The following MACROD2 variants were observed in gnomAD, a reference collection of about 807,000 sequenced individuals.
MACROD2 encodes mono-ADP ribosylhydrolase 2, also known as ADP-ribose glycohydrolase MACROD2.
Under a neutral mutation model 70.4 loss-of-function variants are expected in MACROD2, and 36 were observed. The observed-to-expected ratio is 0.51, with a 90% confidence interval of 0.39 to 0.68. The LOEUF is 0.68. Ranked by LOEUF, MACROD2 falls within the 30% of genes least tolerant of loss-of-function variation. The probability of loss-of-function intolerance (pLI) is 0.00; values close to 1 mark genes in which losing one functional copy is unlikely to be tolerated. For missense variants in MACROD2, 496 were observed against 538.4 expected, an observed-to-expected ratio of 0.92 and a Z score of 0.78; for synonymous variants, 172 against 178.8, an observed-to-expected ratio of 0.96 and a Z score of 0.30.
At chr20:14,412,491 C>T (rs1214385140) in intron 3 of MACROD2, among the ~76,000 whole-genome samples, 5 of 152,004 alleles carry the variant, frequency 3.3e-5, no homozygotes, top group African/African-American at 7.3e-5. Flanking sequence ...CAGTTACAGA[C>T]GTTAGGTGAC....
intron 9 of MACROD2, among the ~76,000 whole-genome samples, chr20:15,873,119 G>A (rs186652155): frequency 1.3e-5 from 2 of 152,186 alleles, no homozygotes; most frequent in African/African-American, 4.8e-5. Flanking sequence ...TCTAAAAGTG[G>A]AATCACTTTT....
At chr20:16,035,051 G>T (rs775140) in intron 15 of MACROD2, among the ~76,000 whole-genome samples, 109,288 of 135,862 alleles carry the variant, frequency 0.8, 45,361 homozygotes, top group Admixed American at 0.86. Flanking sequence ...ATATAATATA[G>T]AATATAAAAT....
chr20:16,028,542 C>T (rs7261098), intron 15 of MACROD2, among the ~76,000 whole-genome samples: 5,571 of 152,252 alleles, frequency 0.037, 278 homozygotes, highest in East Asian at 0.15. Context: ...ATCAGGATCT[C>T]GTGCTCACCC....
At chr20:14,071,769 A>T (rs1175926320) in intron 2 of MACROD2, among the ~76,000 whole-genome samples, 1 of 152,146 alleles carries the variant, frequency 6.6e-6, no homozygotes, top group Non-Finnish European at 1.5e-5. Flanking sequence ...ATAATGCCAG[A>T]ACTCAGAATA....
chr20:15,624,180 G>A (rs2049169330), intron 8 of MACROD2, among the ~76,000 whole-genome samples: 5 of 152,212 alleles, frequency 3.3e-5, no homozygotes, highest in Admixed American at 3.3e-4. Flanking sequence ...TTTGAGGGCA[G>A]GAAGCATGCA....
chr20:15,002,465 G>GT (rs1002115937), intron 5 of MACROD2, among the ~76,000 whole-genome samples: 3 of 151,844 alleles, frequency 2.0e-5, no homozygotes, highest in Admixed American at 6.6e-5. Flanking sequence ...GGGATTGTTT[G>GT]TTTTTTTCTT....
At chr20:15,301,343 G>T (rs1314561564) in intron 6 of MACROD2, among the ~76,000 whole-genome samples, 1 of 152,226 alleles carries the variant, frequency 6.6e-6, no homozygotes, top group Non-Finnish European at 1.5e-5. Context: ...GAATGAGACA[G>T]AAGAGTGAGC....
intron 10 of MACROD2, 143 bp from the exon 11 acceptor site, chr20:15,933,133 C>G: frequency 1.5e-6 from 1 of 669,028 alleles, no homozygotes; most frequent in Admixed American, 2.9e-5. Flanking sequence ...CTGTTTCATG[C>G]CTCTGATTCA....
intron 2 of MACROD2, among the ~76,000 whole-genome samples, chr20:14,033,089 T>TC (rs1485917506): frequency 6.6e-6 from 1 of 150,734 alleles, no homozygotes; most frequent in Non-Finnish European, 1.5e-5. Flanking sequence ...GTTTTTCTTT[T>TC]TTTTTTTTTT....
chr20:15,547,956 T>C (rs2048046166), intron 8 of MACROD2, among the ~76,000 whole-genome samples: 1 of 152,228 alleles, frequency 6.6e-6, no homozygotes, highest in South Asian at 2.1e-4. Flanking sequence ...AAGTACCCTA[T>C]GAAAGATGTT....
intron 4 of MACROD2, among the ~76,000 whole-genome samples, chr20:14,524,132 T>C (rs2085202449): frequency 6.6e-6 from 1 of 152,222 alleles, no homozygotes; most frequent in Admixed American, 6.5e-5. Context: ...AAGGGAACGG[T>C]ATTTATAATT....
chr20:14,941,784 T>C (rs1324264341), intron 5 of MACROD2, among the ~76,000 whole-genome samples: 1 of 150,680 alleles, frequency 6.6e-6, no homozygotes, highest in Non-Finnish European at 1.5e-5. Flanking sequence ...CTCTCTCTCT[T>C]TTTTTTTTCT....
rs368924159 is a variant in MACROD2 at position 14,222,665 on chromosome 20, T to C, written c.271+136937T>C. ...TTTTAAAAAGGCAAATATAAGCCCA[T>C]TTTCTTTTAAAAAAAGTAAAATAAA... is the stretch of plus-strand genomic sequence containing the variant. On this transcript the variant is annotated intron_variant, in intron 3 of 17. Coordinates refer to ENST00000684519, the MANE Select transcript of MACROD2 (RefSeq NM_001351661.2). 1.2e-3 allele frequency among the ~76,000 whole-genome samples: 181 copies of C among 152,216 alleles called. 6 individuals carry two copies. The South Asian group carries it at 0.035, about 30-fold the overall frequency.
chr20:14,376,133 A>G (rs1364660840), intron 3 of MACROD2, among the ~76,000 whole-genome samples: 1 of 152,206 alleles, frequency 6.6e-6, no homozygotes, highest in Non-Finnish European at 1.5e-5. Context: ...TAAGGTGGGT[A>G]AACCAACCAA....
intron 8 of MACROD2, among the ~76,000 whole-genome samples, chr20:15,582,607 C>G (rs2048540886): frequency 1.3e-5 from 2 of 152,186 alleles, no homozygotes; most frequent in Admixed American, 1.3e-4. Context: ...TGTAGTCTAC[C>G]TGCTAGAATT....
intron 8 of MACROD2, among the ~76,000 whole-genome samples, chr20:15,819,475 A>G (rs1274260238): frequency 1.4e-5 from 2 of 145,888 alleles, no homozygotes; most frequent in East Asian, 3.9e-4. Context: ...GTATATAAAT[A>G]TATAGTTATA....
At chr20:14,077,682 G>A (rs1428268141) in intron 2 of MACROD2, among the ~76,000 whole-genome samples, 1 of 152,126 alleles carries the variant, frequency 6.6e-6, no homozygotes, top group Admixed American at 6.5e-5. Flanking sequence ...AATCTGAATG[G>A]ATATGGAAAA....
chr20:15,697,994 G>T (rs532684777), intron 8 of MACROD2, among the ~76,000 whole-genome samples: 25 of 152,178 alleles, frequency 1.6e-4, no homozygotes, highest in Non-Finnish European at 3.2e-4. Flanking sequence ...GTTTGTTGAT[G>T]AGTTCTTATT....
chr20:14,425,129 A>G (rs1370856469), intron 3 of MACROD2, among the ~76,000 whole-genome samples: 2 of 152,014 alleles, frequency 1.3e-5, no homozygotes, highest in Non-Finnish European at 2.9e-5. Flanking sequence ...CCTCTTTTTC[A>G]TTTACTCTTT....
Sources: allele counts gnomAD v4.1 joint callset (sites outside exome capture counted in the v4.1 genomes callset), GRCh38; gene constraint gnomAD v4.1.1; transcripts MANE v1.5; gene names NCBI Gene and HGNC (gene_info 2026-07-23, HGNC 2026-07-21).